CDC73: variants seen among roughly 807,000 people sequenced by gnomAD.
CDC73 encodes parafibromin.
Under a neutral mutation model 83.7 loss-of-function variants are expected in CDC73, and 21 were observed. That is an observed-to-expected ratio of 0.25 (90% CI 0.18 to 0.36). The LOEUF is 0.36. Among genes scored for constraint, CDC73 ranks in the 10% least tolerant of loss-of-function variants. CDC73 has a pLI of 1.00. For missense variants in CDC73, 342 were observed against 653.3 expected (o/e 0.52, Z 5.19); for synonymous variants, 224 against 212.9 (o/e 1.05, Z -0.45).
intron 14 of CDC73, 136 bp from the exon 15 acceptor site, chr1:193,236,120 A>G: frequency 1.3e-6 from 1 of 756,946 alleles, no homozygotes; most frequent in South Asian, 1.4e-5. Context: ...TATTTGCTTC[A>G]TGGAAGGATT....
intron 10 of CDC73, among the ~76,000 whole-genome samples, chr1:193,173,288 A>T (rs1676549990): frequency 6.6e-6 from 1 of 152,220 alleles, no homozygotes; most frequent in African/African-American, 2.4e-5. Context: ...TAATGAGAGA[A>T]AATAGCACGT....
intron 10 of CDC73, among the ~76,000 whole-genome samples, chr1:193,191,404 T>G (rs574201426): frequency 2.6e-5 from 4 of 152,300 alleles, no homozygotes; most frequent in Non-Finnish European, 5.9e-5. Flanking sequence ...TTTGTTTGTT[T>G]TTTGAGACAG....
At chr1:193,128,024 C>T (rs1188641278) in intron 2 of CDC73, 17 of 151,946 alleles carry the variant, frequency 1.1e-4, no homozygotes, top group Admixed American at 1.0e-3. Flanking sequence ...TTCCTGACCT[C>T]GCGATCCGCC....
chr1:193,183,984 A>C (rs917113960), intron 10 of CDC73, among the ~76,000 whole-genome samples: 2 of 151,894 alleles, frequency 1.3e-5, no homozygotes, highest in African/African-American at 2.4e-5. Flanking sequence ...TGTTGCTTTT[A>C]TAAGAACAAT....
chr1:193,164,291 G>A (rs1211828942), intron 10 of CDC73, among the ~76,000 whole-genome samples: 1 of 152,186 alleles, frequency 6.6e-6, no homozygotes, highest in African/African-American at 2.4e-5. Context: ...AGGTTTTGTT[G>A]CCTATGGTTG....
At chr1:193,236,217 C>T (rs1340376430) in intron 14 of CDC73, 39 bp from the exon 15 acceptor site, 2 of 1,190,978 alleles carry the variant, frequency 1.7e-6, no homozygotes, top group Non-Finnish European at 2.5e-6. Context: ...TAATCTCCGT[C>T]TGTCCCCTAC....
At chr1:193,139,509 T>C (rs1199079876) in intron 6 of CDC73, among the ~76,000 whole-genome samples, 1 of 152,224 alleles carries the variant, frequency 6.6e-6, no homozygotes, top group Non-Finnish European at 1.5e-5. Context: ...ATATAGAACG[T>C]AGTTCTTGTA....
chr1:193,186,140 C>T (rs1333981092), intron 10 of CDC73: 1 of 153,188 alleles, frequency 6.5e-6, no homozygotes, highest in African/African-American at 2.4e-5. Context: ...AGTCTGCCTC[C>T]TGCGATTGCT....
intron 10 of CDC73, among the ~76,000 whole-genome samples, chr1:193,200,832 G>A (rs1215004243): frequency 6.6e-6 from 1 of 152,112 alleles, no homozygotes; most frequent in Non-Finnish European, 1.5e-5. Flanking sequence ...CATCTTTAGG[G>A]TGGAGGGTGG....
chr1:193,166,652 T>C (rs1304441922), intron 10 of CDC73, among the ~76,000 whole-genome samples: 1 of 139,226 alleles, frequency 7.2e-6, no homozygotes, highest in African/African-American at 2.6e-5. Context: ...ACTTTTTTTC[T>C]TTTTTTTTTT....
rs866926490 is a variant in CDC73, at chr1:193,143,809, A to G, written c.729+1743A>G. On this transcript the variant is annotated intron_variant, in intron 7 of 16. Transcript: ENST00000367435. ...TTTTTGAGTTTCAGGAACAAAAGTC[A>G]GGTTCAAGATTCATGAGAGGCTGGG... 6.6e-5 allele frequency among the ~76,000 whole-genome samples: 10 copies of G among 152,202 alleles called. No individual in the cohort carries two copies. The South Asian group carries it at 1.2e-3, about 19-fold the overall frequency.
intron 10 of CDC73, among the ~76,000 whole-genome samples, chr1:193,172,019 G>A (rs902948812): frequency 2.0e-5 from 3 of 152,056 alleles, no homozygotes; most frequent in Non-Finnish European, 4.4e-5. Context: ...CTGTCTCCTG[G>A]ATTCAAGTGA....
intron 13 of CDC73, among the ~76,000 whole-genome samples, chr1:193,217,416 A>C (rs763487911): frequency 6.6e-6 from 1 of 151,888 alleles, no homozygotes; most frequent in Non-Finnish European, 1.5e-5. Context: ...GAATGAGTGC[A>C]AGGTTTTATT....
intron 7 of CDC73, among the ~76,000 whole-genome samples, chr1:193,146,363 A>C (rs951546707): frequency 6.6e-6 from 1 of 152,220 alleles, no homozygotes; most frequent in African/African-American, 2.4e-5. Flanking sequence ...TGGATATCAC[A>C]GACTGGGTAA....
chr1:193,229,421 C>A (rs1265216073), intron 13 of CDC73, among the ~76,000 whole-genome samples: 1 of 152,244 alleles, frequency 6.6e-6, no homozygotes, highest in Non-Finnish European at 1.5e-5. Flanking sequence ...TCTGCCCTCA[C>A]AAATAGGATA....
intron 2 of CDC73, among the ~76,000 whole-genome samples, chr1:193,129,946 A>G (rs1675665608): frequency 6.6e-6 from 1 of 152,252 alleles, no homozygotes; most frequent in Non-Finnish European, 1.5e-5. Context: ...TTCAGACATT[A>G]CATGTTAATA....
chr1:193,137,999 T>G, intron 5 of CDC73, 86 bp from the exon 6 acceptor site: 1 of 957,042 alleles, frequency 1.0e-6, no homozygotes, highest in East Asian at 2.4e-5. Context: ...GGTAGGAAAT[T>G]TGGTAAGGAA....
intron 10 of CDC73, chr1:193,181,103 T>C: frequency 6.2e-7 from 1 of 1,614,078 alleles, no homozygotes; most frequent in Non-Finnish European, 8.5e-7. Flanking sequence ...ATTAGTAGTA[T>C]TAAAAAAGGA....
intron 10 of CDC73, among the ~76,000 whole-genome samples, chr1:193,160,276 G>T (rs902228899): frequency 6.6e-6 from 1 of 151,984 alleles, no homozygotes; most frequent in Non-Finnish European, 1.5e-5. Context: ...AGTTATTGTT[G>T]CCACGTATAT....
Sources: gnomAD v4.1 joint callset for allele counts (sites outside exome capture counted in the v4.1 genomes callset) on GRCh38, gnomAD v4.1.1 for gene constraint, MANE v1.5 for transcripts, NCBI Gene and HGNC (gene_info 2026-07-23, HGNC 2026-07-21) for gene names.